The following CDH18 variants were observed in gnomAD, a reference collection of about 807,000 sequenced individuals.
CDH18 encodes cadherin-18.
A neutral mutation model predicts 67.9 loss-of-function variants in CDH18; 31 were observed. The ratio of observed to expected loss-of-function variants is 0.46; its 90% CI spans 0.34 to 0.62. The LOEUF (loss-of-function observed/expected upper bound fraction) is 0.62, where lower values mean the gene tolerates loss of function less well. CDH18 is among the 20% of genes least tolerant of loss of function. CDH18 has a pLI of 0.01. For missense variants in CDH18, 890 were observed against 975.5 expected (o/e 0.91, Z 1.17); for synonymous variants, 362 against 347.2 (o/e 1.04, Z -0.48).
intron 5 of CDH18, among the ~76,000 whole-genome samples, chr5:19,699,898 A>G (rs1763014224): frequency 1.3e-5 from 2 of 152,238 alleles, no homozygotes; most frequent in South Asian, 4.1e-4. Context: ...GTACGCTATT[A>G]AGGTGACAGT....
intron 5 of CDH18, among the ~76,000 whole-genome samples, chr5:19,617,753 G>A (rs1018620251): frequency 1.3e-5 from 2 of 152,104 alleles, no homozygotes; most frequent in African/African-American, 4.8e-5. Context: ...GTAGGTGCCC[G>A]ATTGCCTGCA....
At chr5:19,971,285 G>T (rs916333094) in intron 2 of CDH18, among the ~76,000 whole-genome samples, 1 of 151,802 alleles carries the variant, frequency 6.6e-6, no homozygotes, top group Non-Finnish European at 1.5e-5. Context: ...CATTAAAATA[G>T]AAGTACTCAA....
chr5:20,112,406 G>C (rs1326795189), intron 2 of CDH18, among the ~76,000 whole-genome samples: 1 of 152,106 alleles, frequency 6.6e-6, no homozygotes, highest in Admixed American at 6.5e-5. Context: ...TCATATATTA[G>C]ATTGTGCTTT....
intron 2 of CDH18, among the ~76,000 whole-genome samples, chr5:20,233,829 T>A (rs1268839306): frequency 6.6e-6 from 1 of 152,168 alleles, no homozygotes; most frequent in Non-Finnish European, 1.5e-5. Context: ...ATTTTTATAA[T>A]CATATTTTAA....
intron 2 of CDH18, among the ~76,000 whole-genome samples, chr5:19,924,174 A>T (rs1282893214): frequency 5.2e-5 from 2 of 38,660 alleles, no homozygotes; most frequent in African/African-American, 9.2e-5. Context: ...AAAGGGCAAC[A>T]ATCAGGGGAG....
At chr5:20,117,009 ATGTGTGTGTGTGTGTGTGTGAGTG>A (rs1043146325) in intron 2 of CDH18, among the ~76,000 whole-genome samples, 1 of 149,032 alleles carries the variant, frequency 6.7e-6, no homozygotes, top group Non-Finnish European at 1.5e-5. Flanking sequence ...GGAGAGATAA[ATGTGTGTGTGTGTGTGTGTGAGTG>A]TGTGTGTGTG....
chr5:19,687,462 C>T (rs867455722), intron 5 of CDH18, among the ~76,000 whole-genome samples: 1 of 152,260 alleles, frequency 6.6e-6, no homozygotes, highest in Middle Eastern at 3.4e-3. Context: ...GCAGGGTCCC[C>T]AGCACTCTAG....
At chr5:19,511,013 T>C (rs1316640765) in intron 10 of CDH18, among the ~76,000 whole-genome samples, 4 of 152,096 alleles carry the variant, frequency 2.6e-5, no homozygotes, top group African/African-American at 9.7e-5. Flanking sequence ...GGTTTTGCCA[T>C]GTTGGGCAGG....
intron 2 of CDH18, among the ~76,000 whole-genome samples, chr5:20,111,833 A>G (rs1747509042): frequency 1.3e-5 from 2 of 151,748 alleles, no homozygotes; most frequent in African/African-American, 4.8e-5. Context: ...GTGAGCCACC[A>G]CGCCCAGCTG....
chr5:19,606,053 A>G (rs1747985093), intron 6 of CDH18, among the ~76,000 whole-genome samples: 1 of 152,080 alleles, frequency 6.6e-6, no homozygotes, highest in African/African-American at 2.4e-5. Context: ...CTGGAGAGTC[A>G]GAAATTGGTA....
chr5:20,366,412 T>G (rs1266700440), intron 1 of CDH18, among the ~76,000 whole-genome samples: 2 of 152,218 alleles, frequency 1.3e-5, no homozygotes, highest in African/African-American at 4.8e-5. Flanking sequence ...CTAATTCACA[T>G]TAACTATTGC....
intron 2 of CDH18, among the ~76,000 whole-genome samples, chr5:20,220,339 T>G (rs1449961654): frequency 1.3e-5 from 2 of 151,968 alleles, no homozygotes; most frequent in East Asian, 3.9e-4. Context: ...TACAATAAAC[T>G]TATTTTTGAC....
chr5:19,533,495 G>A (rs1196103137), intron 9 of CDH18, among the ~76,000 whole-genome samples: 1 of 152,116 alleles, frequency 6.6e-6, no homozygotes, highest in Non-Finnish European at 1.5e-5. Context: ...GTATTTGGAG[G>A]AGAATATTAG....
intron 8 of CDH18, among the ~76,000 whole-genome samples, chr5:19,562,870 C>A (rs533439206): frequency 6.6e-6 from 1 of 152,200 alleles, no homozygotes; most frequent in Non-Finnish European, 1.5e-5. Flanking sequence ...GCTGCTAAAG[C>A]TTTTCATCAT....
intron 1 of CDH18, among the ~76,000 whole-genome samples, chr5:20,523,362 A>T (rs1350378480): frequency 6.6e-6 from 1 of 152,192 alleles, no homozygotes; most frequent in African/African-American, 2.4e-5. Flanking sequence ...TCCCTCTGAC[A>T]GCATGTTACA....
At chr5:20,376,222 T>C (rs551138026) in intron 1 of CDH18, among the ~76,000 whole-genome samples, 146 of 150,456 alleles carry the variant, frequency 9.7e-4, no homozygotes, top group African/African-American at 3.3e-3. Context: ...GCCTCCCGAG[T>C]AGCTGGGACT....
chr5:20,294,638 A>C (rs1188325494), intron 1 of CDH18, among the ~76,000 whole-genome samples: 3 of 152,290 alleles, frequency 2.0e-5, no homozygotes, highest in South Asian at 2.1e-4. Flanking sequence ...GTCTTGACTT[A>C]ATCTTTTTGT....
chr5:20,110,501 G>A (rs1747369380), intron 2 of CDH18, among the ~76,000 whole-genome samples: 2 of 152,112 alleles, frequency 1.3e-5, no homozygotes, highest in Non-Finnish European at 2.9e-5. Flanking sequence ...TGGCCAACAT[G>A]GTGAAACCCT....
rs538423500 is a variant in CDH18, at chr5:20,519,709, T to C, written c.-580+55753A>G. On this transcript the variant is annotated intron_variant, in intron 1 of 14. Transcript: ENST00000507958. ...GAGATTGTTTGCGGTTGAAATCCCA[T>C]TTATCCAAGTGTAATTTTTTTTTTT... 8.9e-4 allele frequency among the ~76,000 whole-genome samples: 109 copies of C among 122,296 alleles called. 1 individual carries two copies. The highest frequency in any genetic ancestry group is 2.8e-3 in the African/African-American group (109 of 39,076). The allele number at this position is 122,296 out of a possible 152,430, so 80.2% of individuals were successfully genotyped here. A position where few individuals can be genotyped will look rare whatever the true frequency, so the allele number is the denominator to read the frequency against.
Sources: allele counts gnomAD v4.1 joint callset (sites outside exome capture counted in the v4.1 genomes callset), GRCh38; gene constraint gnomAD v4.1.1; transcripts MANE v1.5; gene names NCBI Gene and HGNC (gene_info 2026-07-23, HGNC 2026-07-21).